The following METTL22 variants were observed in gnomAD, a reference collection of about 807,000 sequenced individuals.
The protein encoded by METTL22 is methyltransferase-like protein 22.
Under a neutral mutation model 48.4 loss-of-function variants are expected in METTL22, and 51 were observed. That is an observed-to-expected ratio of 1.05 (90% CI 0.84 to 1.33). The LOEUF (loss-of-function observed/expected upper bound fraction) is 1.33. Among genes scored for constraint, METTL22 ranks in the 40% most tolerant of loss-of-function variants. METTL22 has a pLI of 0.00. For missense variants in METTL22, 678 were observed against 526.9 expected (o/e 1.29, Z -2.81); for synonymous variants, 255 against 214.1 (o/e 1.19, Z -1.67).
Position 8,639,317 on chromosome 16 carries a change from C to T in METTL22, c.772+155C>T, listed in dbSNP as rs137990709. ...CAGGCGTCGTCTGGGCATCACAGAG[C>T]TTCAGAGCATTGAGGACGCTCCTTG... On this transcript the variant is annotated intron_variant, in intron 6 of 10. Transcript: ENST00000381920. 701 of 694,574 alleles carry T rather than the reference C, an allele frequency of 1.0e-3. 2 individuals are homozygous for T. The African/African-American group carries it at 0.01, about 10-fold the overall frequency. 43.0% of individuals were successfully genotyped at this position (694,574 alleles called of 1,614,324 possible). A position where few individuals can be genotyped will look rare whatever the true frequency, so the allele number is the denominator to read the frequency against.
intron 10 of METTL22, 80 bp downstream of exon 10, chr16:8,644,805 A>T: frequency 7.2e-7 from 1 of 1,382,956 alleles, no homozygotes; most frequent in Non-Finnish European, 9.5e-7. Flanking sequence ...GTGATGAAGC[A>T]AGCCCTCCAA....
At position 8,628,893 on chromosome 16, in the gene METTL22, C is replaced by G; in HGVS notation, c.297C>G (p.Ser99=). The change falls in exon 3 of 11, where the codon TCC becomes TCG. Residue 99 remains serine, a synonymous_variant. Coordinates refer to ENST00000381920, the MANE Select transcript of METTL22 (RefSeq NM_024109.4). ...PGSGHGNEGF[S]LQAGTDTTGQ... The stretch of plus-strand genomic sequence containing the variant: ...GTGGCCATGGTAATGAGGGTTTCTC[C>G]CTCCAGGCCGGGACTGACACCACTG... The G allele has an allele frequency of 6.2e-7, 1 of 1,613,894 alleles. No individual in the cohort carries two copies. The highest frequency in any genetic ancestry group is 8.5e-7 in the Non-Finnish European group (1 of 1,179,996).
At chr16:8,628,112 C>A (rs2056123938) in intron 2 of METTL22, among the ~76,000 whole-genome samples, 1 of 152,204 alleles carries the variant, frequency 6.6e-6, no homozygotes, top group African/African-American at 2.4e-5. Flanking sequence ...ACATCTGTGT[C>A]ACACAGAATG....
chr16:8,652,747 G>T (rs1242511430), downstream of METTL22, among the ~76,000 whole-genome samples: 1 of 152,058 alleles, frequency 6.6e-6, no homozygotes, highest in African/African-American at 2.4e-5. Context: ...GCCATACCTT[G>T]GCCCTATGTG....
At chr16:8,629,177 C>T in intron 3 of METTL22, 67 bp downstream of exon 3, 2 of 1,552,966 alleles carry the variant, frequency 1.3e-6, no homozygotes, top group Admixed American at 1.7e-5. Flanking sequence ...GCTCAGGGCT[C>T]AGTATGATCT....
intron 7 of METTL22, 145 bp from the exon 8 acceptor site, chr16:8,641,982 G>T (rs949743484): frequency 1.6e-5 from 11 of 669,292 alleles, no homozygotes; most frequent in East Asian, 1.3e-4. Context: ...GAAGCAGGGA[G>T]TCTGGTCTGC....
rs1212094365 is a variant in METTL22, at chr16:8,641,560, A to AC, written c.826+382dup. The AC allele has an allele frequency of 1.2e-5, 6 of 488,330 alleles. No homozygotes were observed. The East Asian group carries it at 3.5e-4, about 29-fold the overall frequency. The allele number at this position is 488,330 out of a possible 1,614,324, so 30.2% of individuals were successfully genotyped here. On this transcript the variant is annotated intron_variant, in intron 7 of 10. Transcript: ENST00000381920. ...TCCCAACAAACAGTGGTGCCAGGAA[A>AC]CCCCCCGGGTAGGACAGTTTCCATA...
At chr16:8,651,732 A>G (rs2056900930), downstream of METTL22, among the ~76,000 whole-genome samples, 1 of 152,216 alleles carries the variant, frequency 6.6e-6, no homozygotes, top group African/African-American at 2.4e-5. Context: ...GTACACGAGC[A>G]TGATTTTGGA....
chr16:8,639,451 G>A (rs557078819), intron 6 of METTL22: 9 of 462,548 alleles, frequency 1.9e-5, no homozygotes, highest in South Asian at 8.1e-5. Context: ...TAGTTGACCC[G>A]TCCAAGATGT....
the METTL22 span, among the ~76,000 whole-genome samples, chr16:8,659,055 G>C: frequency 4.6e-5 from 7 of 152,160 alleles, no homozygotes; most frequent in African/African-American, 9.7e-5. Flanking sequence ...AATCAGCCAG[G>C]CACGCTGGCT....
At position 8,648,719 on chromosome 16, in the gene METTL22, T is replaced by G. The variant is rs1462556867; in HGVS notation, c.*2576T>G. On this transcript the variant is annotated 3_prime_UTR_variant, in exon 11 of 11. Transcript: ENST00000381920. The stretch of plus-strand genomic sequence containing the variant: ...AGAGGATTGCTTGAGCCTAAGAATT[T>G]GAGGCTGCAGTGAGCCATGACTGCA... The G allele has an allele frequency of 6.6e-6, 1 of 151,804 alleles. No individual in the cohort carries two copies. Among genetic ancestry groups the G allele is most frequent in the African/African-American group, 2.4e-5 (1 of 41,258 alleles). The allele number at this position is 151,804 out of a possible 1,614,324, so 9.4% of individuals were successfully genotyped here.
rs2056819602 is a variant in METTL22, at chr16:8,647,163, A to G, written c.*1020A>G. The G allele has an allele frequency of 5.8e-6, 1 of 171,522 alleles. No homozygotes were observed. The highest frequency in any genetic ancestry group is 1.3e-5 in the Non-Finnish European group (1 of 78,522). 10.6% of individuals were successfully genotyped at this position (171,522 alleles called of 1,614,324 possible). ...GCTTCTCCCCAAGCTCCCAGGTTCC[A>G]TCCCTAGGCCCATCATACCCCTGGC... On this transcript the variant is annotated 3_prime_UTR_variant, in exon 11 of 11. Transcript: ENST00000381920.
At position 8,628,852 on chromosome 16, in the gene METTL22, G is replaced by T. The variant is rs752329634; in HGVS notation, c.256G>T (p.Gly86Trp). 6.2e-7 allele frequency: 1 copy of T among 1,614,186 alleles called. No homozygotes were observed. ...EPPSAETGST[G>W]SPPGSGHGNE... Reference sequence around the variant, plus strand: ...TCCTTCTGCTGAGACAGGCAGCACAGGGTCCCCTCCAGGAAGTGGCCATGG... The same window carrying T: ...TCCTTCTGCTGAGACAGGCAGCACATGGTCCCCTCCAGGAAGTGGCCATGG... Residue 86 changes from glycine to tryptophan, a missense_variant, in exon 3 of 11, where the codon GGG (glycine) becomes TGG (tryptophan). By Grantham distance (184) the Gly-to-Trp change is radical (BLOSUM62 -2). Transcript: ENST00000381920.
chr16:8,623,211 C>G (rs1444544177), intron 1 of METTL22, among the ~76,000 whole-genome samples: 2 of 151,530 alleles, frequency 1.3e-5, no homozygotes, highest in Non-Finnish European at 2.9e-5. Context: ...TTACTCGGGA[C>G]TCTGAGGTAG....
the METTL22 span, among the ~76,000 whole-genome samples, chr16:8,661,368 CG>C: frequency 5.9e-5 from 9 of 151,606 alleles, no homozygotes; most frequent in Admixed American, 5.9e-4. Flanking sequence ...TACCGTTGGC[CG>C]GGCGCGGTGG....
chr16:8,639,473 A>C, intron 6 of METTL22: 2 of 391,346 alleles, frequency 5.1e-6, no homozygotes, highest in Non-Finnish European at 9.5e-6. Flanking sequence ...CTCATGAAAC[A>C]TCCAGAGTGC....
chr16:8,633,411 A>G (rs1043082861), intron 3 of METTL22, among the ~76,000 whole-genome samples: 1 of 152,158 alleles, frequency 6.6e-6, no homozygotes, highest in Admixed American at 6.5e-5. Context: ...AGCCCTGGCA[A>G]CATGCTGAGA....
chr16:8,642,364 G>T, intron 8 of METTL22, 99 bp from the exon 9 acceptor site: 1 of 1,300,462 alleles, frequency 7.7e-7, no homozygotes, highest in South Asian at 1.2e-5. Context: ...CTGCTGTTCC[G>T]TGGTGATAAG....
chr16:8,659,173 A>G, the METTL22 span, among the ~76,000 whole-genome samples: 3 of 152,186 alleles, frequency 2.0e-5, no homozygotes, highest in Non-Finnish European at 4.4e-5. Context: ...TGTACTAAAA[A>G]TACAAAAATT....
Sources: allele counts gnomAD v4.1 joint callset (sites outside exome capture counted in the v4.1 genomes callset), GRCh38; gene constraint gnomAD v4.1.1; transcripts MANE v1.5; gene names NCBI Gene and HGNC (gene_info 2026-07-23, HGNC 2026-07-21).